BAD: variants seen among roughly 807,000 people sequenced by gnomAD.
BAD encodes BCL2 associated agonist of cell death.
A neutral mutation model predicts 17.8 loss-of-function variants in BAD; 18 were observed. The observed-to-expected ratio is 1.01, with a 90% CI of 0.70 to 1.50. The LOEUF is 1.50. Ranked by LOEUF, BAD falls within the 40% of genes most tolerant of loss-of-function variation. The pLI is 0.00. For synonymous variants in BAD, 112 were observed against 91.5 expected, an observed-to-expected ratio of 1.22 and a Z score of -1.28; for missense variants, 294 against 239.3, an observed-to-expected ratio of 1.23 and a Z score of -1.51.
At chr11:64,281,190 T>TCTC (rs2033444336) in intron 2 of BAD, among the ~76,000 whole-genome samples, 1 of 152,032 alleles carries the variant, frequency 6.6e-6, no homozygotes, top group Non-Finnish European at 1.5e-5. Flanking sequence ...ATGGTCTCTA[T>TCTC]CTCCTGACCT....
intron 2 of BAD, among the ~76,000 whole-genome samples, chr11:64,282,302 G>C (rs556410044): frequency 6.6e-6 from 1 of 152,294 alleles, no homozygotes; most frequent in South Asian, 2.1e-4. Context: ...AGCTCAGGAA[G>C]TTAAAGAAAG....
chr11:64,278,637 T>C lies in BAD; in HGVS notation c.187+5545A>G, dbSNP rs917392499. ...CCTGCTAGGAAGGGTAGAGCCACGT[T>C]TGAACCCTGCAGTCTGGCCCAGGGG... On this transcript the variant is annotated intron_variant, in intron 2 of 3. Transcript: ENST00000309032. Among the ~76,000 whole-genome samples the C allele has an allele frequency of 3.9e-5, 6 of 152,146 alleles. No individual in the cohort carries two copies. In the South Asian group the frequency reaches 6.2e-4, roughly 16 times the overall value.
intron 2 of BAD, among the ~76,000 whole-genome samples, chr11:64,281,173 A>G (rs1337096868): frequency 6.6e-6 from 1 of 152,048 alleles, no homozygotes; most frequent in Non-Finnish European, 1.5e-5. Context: ...TCACCGTGTT[A>G]GCCAGAATGG....
At chr11:64,280,868 A>G in intron 2 of BAD, among the ~76,000 whole-genome samples, 1 of 149,370 alleles carries the variant, frequency 6.7e-6, no homozygotes, top group South Asian at 2.1e-4. Flanking sequence ...GGATTTCACC[A>G]AGTTGGCCAG....
intron 2 of BAD, among the ~76,000 whole-genome samples, chr11:64,273,857 A>AAG (rs2032832706): frequency 7.1e-6 from 1 of 141,712 alleles, no homozygotes. Context: ...ACCCATCTCA[A>AAG]AAAAAAAAAA....
chr11:64,284,154 C>G (rs1429529861), intron 2 of BAD, 28 bp downstream of exon 2: 3 of 1,543,060 alleles, frequency 1.9e-6, no homozygotes, highest in Admixed American at 2.0e-5. Context: ...TGAGGTGTCC[C>G]GGCAGGTGGA....
chr11:64,284,657 C>A lies in BAD; in HGVS notation c.-35G>T. 3 of 1,534,264 alleles carry A rather than the reference C, an allele frequency of 2.0e-6. No homozygotes were observed. Among genetic ancestry groups the A allele is most frequent in the Non-Finnish European group, 2.6e-6 (3 of 1,145,934 alleles). On this transcript the variant is annotated 5_prime_UTR_variant, in exon 1 of 4. Coordinates refer to ENST00000309032, the MANE Select transcript of BAD (RefSeq NM_032989.3). The stretch of plus-strand genomic sequence containing the variant: ...CCAAGCCCGATCTCGAGGCCCCTGA[C>A]CCGGGCCTGCCGCCTCCCTCCAGCA...
chr11:64,284,540 T>G, intron 1 of BAD, 91 bp downstream of exon 1: 1 of 1,510,740 alleles, frequency 6.6e-7, no homozygotes, highest in Non-Finnish European at 8.8e-7. Context: ...GGCAGGGAGC[T>G]GAGGCTGTCG....
chr11:64,271,776 C>T lies in BAD; in HGVS notation c.215G>A (p.Arg72His). The T allele has an allele frequency of 1.5e-6, 2 of 1,374,744 alleles. No individual in the cohort carries two copies. Among genetic ancestry groups the T allele is most frequent in the Admixed American group, 3.1e-5 (1 of 32,638 alleles). The allele number at this position is 1,374,744 out of a possible 1,614,324, so 85.2% of individuals were successfully genotyped here. Residue 72 changes from arginine (R) to histidine (H), a missense_variant, in exon 3 of 4, where the codon CGC (arginine) becomes CAC (histidine). Physicochemically the swap from Arg to His is conservative, Grantham distance 29. Coordinates refer to ENST00000309032, the MANE Select transcript of BAD (RefSeq NM_032989.3). ...CGTCCCCGCGGGGTAGGAGCTGTGG[C>T]GACTCCGGATCTCCACAGCCCCAGC... is the stretch of plus-strand genomic sequence containing the variant. ...GGAGAVEIRS[R>H]HSSYPAGTED...
At position 64,270,300 on chromosome 11, in the gene BAD, G is replaced by A. The variant is rs773980987; in HGVS notation, c.416C>T (p.Thr139Met). 4.4e-6 allele frequency: 7 copies of A among 1,579,194 alleles called. No individual in the cohort carries two copies. The highest frequency in any genetic ancestry group is 6.1e-6 in the Non-Finnish European group (7 of 1,156,840). Residue 139 changes from threonine to methionine, a missense_variant, in exon 4 of 4, where the codon ACG (threonine) becomes ATG (methionine). Transcript: ENST00000309032. ...CCAGCTGGAGCTTTGCCGCATCTGC[G>A]TTGCTGTGCCCGCGCTCTTCGGGCG... ...LPRPKSAGTATQMRQSSSWTR... is the reference protein window; with the variant it reads ...LPRPKSAGTAMQMRQSSSWTR...
At chr11:64,281,760 C>CA (rs2033489993) in intron 2 of BAD, among the ~76,000 whole-genome samples, 1 of 152,138 alleles carries the variant, frequency 6.6e-6, no homozygotes, top group African/African-American at 2.4e-5. Context: ...CTCACTCTGT[C>CA]GCCAGGCTGG....
intron 2 of BAD, chr11:64,276,826 AG>A: frequency 1.4e-6 from 1 of 698,096 alleles, no homozygotes; most frequent in Non-Finnish European, 2.6e-6. Context: ...CCATCCGCCT[AG>A]AGCCTGGCCC....
chr11:64,278,714 A>C (rs1186811597), intron 2 of BAD, among the ~76,000 whole-genome samples: 6 of 152,114 alleles, frequency 3.9e-5, no homozygotes, highest in Admixed American at 2.0e-4. Flanking sequence ...CCTGTTTCAG[A>C]CACTGGGCTG....
intron 2 of BAD, among the ~76,000 whole-genome samples, chr11:64,279,974 AG>A (rs2033332048): frequency 6.6e-6 from 1 of 151,750 alleles, no homozygotes; most frequent in African/African-American, 2.4e-5. Context: ...ACTTGGGGCC[AG>A]GAGCTCAAGA....
chr11:64,274,703 C>A (rs1346517807), intron 2 of BAD, among the ~76,000 whole-genome samples: 2 of 152,146 alleles, frequency 1.3e-5, no homozygotes, highest in East Asian at 3.9e-4. Flanking sequence ...AGCCTGTAAT[C>A]CCAGCTACTC....
chr11:64,269,908 G>A lies in BAD; in HGVS notation c.*301C>T, dbSNP rs765325772. 2.8e-6 allele frequency: 2 copies of A among 702,408 alleles called. No homozygotes were observed. The highest frequency in any genetic ancestry group is 3.0e-5 in the South Asian group (2 of 66,758). 43.5% of individuals were successfully genotyped at this position (702,408 alleles called of 1,614,324 possible). A position where few individuals can be genotyped will look rare whatever the true frequency, so the allele number is the denominator to read the frequency against. ...GCATCGCGGGGGCTCGGGTCCCGGTGACGCAACGGTTAAACCTGGCTCGCG... is the reference window on the plus strand; with the variant it reads ...GCATCGCGGGGGCTCGGGTCCCGGTAACGCAACGGTTAAACCTGGCTCGCG... On this transcript the variant is annotated 3_prime_UTR_variant, in exon 4 of 4. Coordinates refer to ENST00000309032, the MANE Select transcript of BAD (RefSeq NM_032989.3).
At position 64,273,701 on chromosome 11, in the gene BAD, A is replaced by G. The variant is rs1448527141; in HGVS notation, c.188-1898T>C. Among the ~76,000 whole-genome samples the G allele has an allele frequency of 2.0e-5, 3 of 151,698 alleles. No individual in the cohort carries two copies. The East Asian group carries it at 5.8e-4, about 29-fold the overall frequency. ...TTAAGACCAGACTGACCAAGATGGT[A>G]AAACCCCGTCTCTACTAAAAATACA... On this transcript the variant is annotated intron_variant, in intron 2 of 3. Transcript: ENST00000309032.
At position 64,270,106 on chromosome 11, in the gene BAD, G is replaced by C; in HGVS notation, c.*103C>G. 1.3e-6 allele frequency: 2 copies of C among 1,561,650 alleles called. No individual in the cohort carries two copies. Among genetic ancestry groups the C allele is most frequent in the Non-Finnish European group, 1.7e-6 (2 of 1,143,534 alleles). On this transcript the variant is annotated 3_prime_UTR_variant, in exon 4 of 4. Coordinates refer to ENST00000309032, the MANE Select transcript of BAD (RefSeq NM_032989.3). The stretch of plus-strand genomic sequence containing the variant: ...CCCTCCCTCCAAAGGAGACAGCACG[G>C]ATCCTCTTTTTGCATAGGCCTGAGG...
chr11:64,284,342 C>T lies in BAD; in HGVS notation c.27G>A (p.Pro9=). Residue 9 remains proline, a synonymous_variant, in exon 2 of 4, where the codon CCG becomes CCA. Coordinates refer to ENST00000309032, the MANE Select transcript of BAD (RefSeq NM_032989.3). ...CAGAGCTGGAGTCTTCCTGCTCACTCGGCTCAAACTCTGGGATCTGGAACA... is the reference window on the plus strand; with the variant it reads ...CAGAGCTGGAGTCTTCCTGCTCACTTGGCTCAAACTCTGGGATCTGGAACA... MFQIPEFE[P]SEQEDSSSAE... The T allele has an allele frequency of 6.2e-7, 1 of 1,612,928 alleles. No individual in the cohort carries two copies. The highest frequency in any genetic ancestry group is 1.1e-5 in the South Asian group (1 of 91,086).
Sources: allele counts gnomAD v4.1 joint callset (sites outside exome capture counted in the v4.1 genomes callset), GRCh38; gene constraint gnomAD v4.1.1; transcripts MANE v1.5; gene names NCBI Gene and HGNC (gene_info 2026-07-23, HGNC 2026-07-21).